Variants in PLPPR5 observed in about 807,000 individuals in gnomAD.
PLPPR5 encodes phospholipid phosphatase related 5, also known as phospholipid phosphatase-related protein type 5.
A neutral mutation model predicts 33.9 loss-of-function variants in PLPPR5; 16 were observed. The ratio of observed to expected loss-of-function variants is 0.47; its 90% CI spans 0.32 to 0.72. The LOEUF (loss-of-function observed/expected upper bound fraction) is 0.72. Among genes scored for constraint, PLPPR5 ranks in the 30% least tolerant of loss-of-function variants. PLPPR5 has a pLI of 0.03. For synonymous variants in PLPPR5, 163 were observed against 150.3 expected (o/e 1.08, Z -0.62); for missense variants, 301 against 406.7 (o/e 0.74, Z 2.23).
At chr1:98,957,587 C>G (rs540207083) in intron 1 of PLPPR5, among the ~76,000 whole-genome samples, 25 of 151,924 alleles carry the variant, frequency 1.6e-4, no homozygotes, top group Non-Finnish European at 3.4e-4. Context: ...TACACACATA[C>G]TAATTTAAAA....
At chr1:98,938,544 A>T (rs574778092) in intron 3 of PLPPR5, among the ~76,000 whole-genome samples, 1 of 148,342 alleles carries the variant, frequency 6.7e-6, no homozygotes, top group South Asian at 2.1e-4. Flanking sequence ...TTATATAAAT[A>T]TAAATATATT....
At chr1:98,957,677 C>G (rs956594957) in intron 1 of PLPPR5, among the ~76,000 whole-genome samples, 2 of 152,128 alleles carry the variant, frequency 1.3e-5, no homozygotes, top group African/African-American at 4.8e-5. Context: ...TGAGACATTA[C>G]TAGGAATTGT....
chr1:98,923,791 C>A (rs147304380), intron 3 of PLPPR5, among the ~76,000 whole-genome samples: 1 of 152,242 alleles, frequency 6.6e-6, no homozygotes, highest in East Asian at 1.9e-4. Flanking sequence ...GAGAGGGGAA[C>A]AGGAAGAGAT....
intron 3 of PLPPR5, among the ~76,000 whole-genome samples, chr1:98,924,590 G>A (rs533897533): frequency 5.9e-5 from 9 of 152,154 alleles, no homozygotes; most frequent in African/African-American, 1.9e-4. Flanking sequence ...GAATCTATAC[G>A]GCTTCAGAAA....
intron 1 of PLPPR5, among the ~76,000 whole-genome samples, chr1:98,965,433 C>T (rs2101236750): frequency 6.6e-6 from 1 of 152,334 alleles, no homozygotes; most frequent in Non-Finnish European, 1.5e-5. Context: ...CCTAATGACG[C>T]AACTAAGTCT....
At chr1:98,967,648 C>T (rs1191450974) in intron 1 of PLPPR5, among the ~76,000 whole-genome samples, 2 of 152,000 alleles carry the variant, frequency 1.3e-5, no homozygotes, top group Non-Finnish European at 2.9e-5. Flanking sequence ...CCCTTCACCT[C>T]AATGTTATCA....
At chr1:98,897,706 T>C (rs1417627691) in intron 5 of PLPPR5, among the ~76,000 whole-genome samples, 1 of 152,144 alleles carries the variant, frequency 6.6e-6, no homozygotes, top group Non-Finnish European at 1.5e-5. Context: ...GTCTTTGCAG[T>C]CAAGTCATCT....
chr1:99,005,148 C>G (rs1472485265), upstream of PLPPR5: 1 of 151,750 alleles, frequency 6.6e-6, no homozygotes, highest in African/African-American at 2.4e-5. Flanking sequence ...TGGAGAAGCT[C>G]CTGGCGGGGG....
At chr1:98,956,860 C>T (rs2101219953) in intron 1 of PLPPR5, 119 bp from the exon 2 acceptor site, 1 of 752,200 alleles carries the variant, frequency 1.3e-6, no homozygotes. Flanking sequence ...CAATGTAAAA[C>T]AGAGCCATAA....
intron 3 of PLPPR5, among the ~76,000 whole-genome samples, chr1:98,925,742 T>A (rs905777828): frequency 4.6e-5 from 7 of 152,166 alleles, no homozygotes; most frequent in Admixed American, 6.5e-5. Context: ...CATCAGAGGC[T>A]GTGCTAGGTT....
chr1:98,956,435 G>T (rs999657021), intron 2 of PLPPR5, among the ~76,000 whole-genome samples, 174 bp downstream of exon 2: 1 of 152,084 alleles, frequency 6.6e-6, no homozygotes, highest in African/African-American at 2.4e-5. Context: ...CTGCGATTTT[G>T]ATACAACCAT....
At chr1:98,897,128 C>T (rs1237843805) in intron 5 of PLPPR5, among the ~76,000 whole-genome samples, 3 of 152,288 alleles carry the variant, frequency 2.0e-5, no homozygotes, top group Non-Finnish European at 2.9e-5. Flanking sequence ...ACAACAGCAA[C>T]CAAAAGCTCT....
chr1:98,949,076 C>A (rs527396370), intron 3 of PLPPR5, among the ~76,000 whole-genome samples: 1 of 152,142 alleles, frequency 6.6e-6, no homozygotes, highest in African/African-American at 2.4e-5. Context: ...TCATTCTCAA[C>A]CTTGAAGTTC....
chr1:99,001,610 A>G (rs955835471), intron 1 of PLPPR5, among the ~76,000 whole-genome samples: 2 of 148,068 alleles, frequency 1.4e-5, no homozygotes, highest in African/African-American at 4.9e-5. Context: ...AGACTGTGGT[A>G]GTGAGGAGAA....
At chr1:98,973,926 A>C (rs938492136) in intron 1 of PLPPR5, among the ~76,000 whole-genome samples, 1 of 151,980 alleles carries the variant, frequency 6.6e-6, no homozygotes, top group African/African-American at 2.4e-5. Context: ...CCTATGCTGC[A>C]GGAAAATCAA....
intron 1 of PLPPR5, among the ~76,000 whole-genome samples, chr1:98,998,105 T>C (rs986051501): frequency 1.3e-5 from 2 of 150,280 alleles, no homozygotes; most frequent in African/African-American, 4.9e-5. Context: ...CAAAGAGGAA[T>C]GAAGAGAGAA....
chr1:98,961,726 T>C (rs1365660330), intron 1 of PLPPR5, among the ~76,000 whole-genome samples: 1 of 152,208 alleles, frequency 6.6e-6, no homozygotes, highest in Non-Finnish European at 1.5e-5. Context: ...CCAGGTCATA[T>C]TGACTCTAAG....
At chr1:99,004,311 C>A in intron 1 of PLPPR5, 124 bp downstream of exon 1, 1 of 816,830 alleles carries the variant, frequency 1.2e-6, no homozygotes. Context: ...AAGGGGCTGC[C>A]CATAACTTGG....
intron 1 of PLPPR5, among the ~76,000 whole-genome samples, chr1:98,989,317 C>T (rs968412097): frequency 1.3e-5 from 2 of 152,030 alleles, no homozygotes; most frequent in Non-Finnish European, 2.9e-5. Flanking sequence ...ATAGTACTCT[C>T]CTTGGTATAC....
Sources: gnomAD v4.1 joint callset for allele counts (sites outside exome capture counted in the v4.1 genomes callset) on GRCh38, gnomAD v4.1.1 for gene constraint, MANE v1.5 for transcripts, NCBI Gene and HGNC (gene_info 2026-07-23, HGNC 2026-07-21) for gene names.